The following RASGEF1C variants were observed in gnomAD, a reference collection of about 807,000 sequenced individuals.
RASGEF1C encodes the protein RasGEF domain family member 1C.
A neutral mutation model predicts 58.1 loss-of-function variants in RASGEF1C; 27 were observed. The ratio of observed to expected loss-of-function variants is 0.46; its 90% CI spans 0.34 to 0.64. The LOEUF is 0.64. RASGEF1C is among the 30% of genes least tolerant of loss of function. RASGEF1C has a pLI of 0.01. For missense variants in RASGEF1C, 502 were observed against 605.1 expected (o/e 0.83, Z 1.79); for synonymous variants, 243 against 246.3 (o/e 0.99, Z 0.13).
chr5:180,123,409 A>C (rs1447659072), intron 6 of RASGEF1C, among the ~76,000 whole-genome samples: 1 of 152,232 alleles, frequency 6.6e-6, no homozygotes, highest in African/African-American at 2.4e-5. Flanking sequence ...CAAACACGGA[A>C]ACTTGAACTT....
intron 12 of RASGEF1C, among the ~76,000 whole-genome samples, chr5:180,107,222 A>G (rs766781790): frequency 6.6e-6 from 1 of 152,122 alleles, no homozygotes; most frequent in East Asian, 1.9e-4. Flanking sequence ...GACTTTGTCA[A>G]TTTCTTTTAC....
Position 180,144,181 on chromosome 5 carries a change from CTG to C in RASGEF1C, c.-6-6125_-6-6124del, listed in dbSNP as rs551559006. On this transcript the variant is annotated intron_variant, in intron 1 of 13. Transcript: ENST00000361132. ...GCAGCAACTGCTGTTAACCAAGGCT[CTG>C]TGTGTGCCAAAAAGACTTGCCAACT... Among the ~76,000 whole-genome samples, 351 of 152,340 alleles carry C rather than the reference CTG, an allele frequency of 2.3e-3. 3 individuals carry two copies. The highest frequency in any genetic ancestry group is 8.0e-3 in the African/African-American group (333 of 41,578).
chr5:180,161,609 C>A (rs1463431999), intron 1 of RASGEF1C, among the ~76,000 whole-genome samples: 1 of 152,240 alleles, frequency 6.6e-6, no homozygotes, highest in African/African-American at 2.4e-5. Flanking sequence ...GTGAGGGCGG[C>A]GCTGCAGGAC....
In RASGEF1C at chr5:180,103,606, T is replaced by A. The variant is rs186432204; in HGVS notation, c.1304-1463A>T. ...GGTTTTTGTAGATTCTTTGGGATTT[T>A]TTTTCCTCATCATCTGCAAATAGGG... is the stretch of plus-strand genomic sequence containing the variant. On this transcript the variant is annotated intron_variant, in intron 12 of 13. Transcript: ENST00000361132. Among the ~76,000 whole-genome samples, 3 of 152,348 alleles carry A rather than the reference T, an allele frequency of 2.0e-5. No homozygotes were observed. In the East Asian group the frequency reaches 5.8e-4, roughly 29 times the overall value.
chr5:180,164,465 A>T (rs778040185), intron 1 of RASGEF1C, among the ~76,000 whole-genome samples: 2 of 152,218 alleles, frequency 1.3e-5, no homozygotes, highest in Non-Finnish European at 2.9e-5. Context: ...GCATTGTTTT[A>T]GGTATATCCA....
intron 1 of RASGEF1C, among the ~76,000 whole-genome samples, chr5:180,141,260 T>C (rs6882752): frequency 0.93 from 142,222 of 152,304 alleles, 67,219 homozygotes; most frequent in East Asian, 1. Flanking sequence ...TGCCTCACAA[T>C]ATTCCATTGT....
chr5:180,102,772 C>T (rs974067207), intron 12 of RASGEF1C, among the ~76,000 whole-genome samples: 3 of 152,148 alleles, frequency 2.0e-5, no homozygotes, highest in Admixed American at 6.5e-5. Flanking sequence ...TCCATCCCTC[C>T]CCTAATACTG....
At chr5:180,170,340 G>A (rs1002544415) in intron 1 of RASGEF1C, among the ~76,000 whole-genome samples, 11 of 152,276 alleles carry the variant, frequency 7.2e-5, no homozygotes, top group African/African-American at 2.6e-4. Flanking sequence ...GGAGGGGCGC[G>A]GGCCTGTTCT....
intron 1 of RASGEF1C, among the ~76,000 whole-genome samples, chr5:180,169,688 C>A (rs1238747366): frequency 2.0e-5 from 3 of 152,036 alleles, no homozygotes; most frequent in Non-Finnish European, 2.9e-5. Flanking sequence ...GCCTGTGTAC[C>A]CAGCACAGCG....
In RASGEF1C at chr5:180,204,109, G is replaced by A. The variant is rs570872296; in HGVS notation, c.-7+4919C>T. On this transcript the variant is annotated intron_variant, in intron 1 of 13. Coordinates refer to ENST00000361132, the MANE Select transcript of RASGEF1C (RefSeq NM_175062.4). The stretch of plus-strand genomic sequence containing the variant: ...GGTCAGCATCCCTAACCTTCTCATT[G>A]TTCAAGGGCCAACTGTAATTGCTAA... 3.7e-4 allele frequency among the ~76,000 whole-genome samples: 56 copies of A among 152,308 alleles called. No individual in the cohort carries two copies. The South Asian group carries it at 6.0e-3, about 16-fold the overall frequency.
chr5:180,175,228 C>CT (rs1210227065), intron 1 of RASGEF1C, among the ~76,000 whole-genome samples: 1 of 147,638 alleles, frequency 6.8e-6, no homozygotes, highest in African/African-American at 2.7e-5. Context: ...GGGGTTGGAG[C>CT]CCCCCCAGCG....
intron 11 of RASGEF1C, among the ~76,000 whole-genome samples, chr5:180,113,815 G>A (rs1197942313): frequency 1.3e-5 from 2 of 151,922 alleles, no homozygotes; most frequent in East Asian, 1.9e-4. Context: ...ATGGATGGAG[G>A]GACCGAGGAT....
intron 4 of RASGEF1C, among the ~76,000 whole-genome samples, chr5:180,130,567 C>T (rs1210984908): frequency 2.0e-5 from 3 of 152,224 alleles, no homozygotes; most frequent in Non-Finnish European, 4.4e-5. Flanking sequence ...CACCTGGCTG[C>T]CACTCCCATC....
In RASGEF1C at chr5:180,186,945, TCAAA is replaced by T. The variant is rs536833919; in HGVS notation, c.-7+22079_-7+22082del. 2.4e-3 allele frequency among the ~76,000 whole-genome samples: 372 copies of T among 152,020 alleles called. 1 individual carries two copies. Among genetic ancestry groups the T allele is most frequent in the African/African-American group, 7.0e-3 (292 of 41,438 alleles). ...CTGGGTGACAGAGCAAGACTCAGTC[TCAAA>T]CAAACAAACAAACAAACAAACAAAA... On this transcript the variant is annotated intron_variant, in intron 1 of 13. Coordinates refer to ENST00000361132, the MANE Select transcript of RASGEF1C (RefSeq NM_175062.4).
intron 1 of RASGEF1C, among the ~76,000 whole-genome samples, chr5:180,182,073 C>T (rs10078285): frequency 0.16 from 23,887 of 150,770 alleles, 2,161 homozygotes; most frequent in African/African-American, 0.24. Flanking sequence ...GGCATGGTGG[C>T]GGGCGCCTGT....
chr5:180,152,569 G>A (rs12719868), intron 1 of RASGEF1C, among the ~76,000 whole-genome samples: 3 of 110,452 alleles, frequency 2.7e-5, no homozygotes, highest in Admixed American at 9.7e-5. Context: ...GTTGTGGGGT[G>A]GGGGGAGGGG....
intron 11 of RASGEF1C, 132 bp from the exon 12 acceptor site, chr5:180,111,712 C>T (rs540927324): frequency 1.2e-5 from 11 of 949,460 alleles, no homozygotes; most frequent in East Asian, 1.0e-4. Flanking sequence ...GAGCAGGGGG[C>T]GATAAATGAG....
intron 12 of RASGEF1C, among the ~76,000 whole-genome samples, chr5:180,104,852 T>C (rs1213298698): frequency 6.6e-6 from 1 of 152,220 alleles, no homozygotes; most frequent in Non-Finnish European, 1.5e-5. Context: ...ATTGTTAAAT[T>C]CGTGTGTGTG....
At chr5:180,115,803 G>A (rs143870371) in intron 10 of RASGEF1C, among the ~76,000 whole-genome samples, 68 of 152,098 alleles carry the variant, frequency 4.5e-4, no homozygotes, top group African/African-American at 1.6e-3. Context: ...GCAGGGCTGA[G>A]TCCCAGGTGG....
Sources: gnomAD v4.1 joint callset for allele counts (sites outside exome capture counted in the v4.1 genomes callset) on GRCh38, gnomAD v4.1.1 for gene constraint, MANE v1.5 for transcripts, NCBI Gene and HGNC (gene_info 2026-07-23, HGNC 2026-07-21) for gene names.